The following DSG1 variants were observed in gnomAD, a reference collection of about 807,000 sequenced individuals.
The protein encoded by DSG1 is desmoglein 1.
A neutral mutation model predicts 97.5 loss-of-function variants in DSG1; 39 were observed. The observed-to-expected ratio is 0.40, with a 90% CI of 0.31 to 0.52. The LOEUF (loss-of-function observed/expected upper bound fraction) is 0.52, where lower values mean the gene tolerates loss of function less well. DSG1 is among the 20% of genes least tolerant of loss of function. The probability of loss-of-function intolerance (pLI) is 0.53; values close to 1 mark genes in which losing one functional copy is unlikely to be tolerated. For synonymous variants in DSG1, 475 were observed against 443.4 expected, an observed-to-expected ratio of 1.07 and a Z score of -0.90; for missense variants, 1,311 against 1,295.4, an observed-to-expected ratio of 1.01 and a Z score of -0.18.
At position 31,326,882 on chromosome 18, in the gene DSG1, T is replaced by C; in HGVS notation, c.93T>C (p.Asp31=). ...TATTGCTGTCATTTAAGGTAAGAGA[T>C]TATAACACTAAAAATGGCACCATCA... ...VNSEFRIQVR[D]YNTKNGTIKW... Residue 31 remains aspartate, a synonymous_variant, in exon 3 of 15, where the codon GAT becomes GAC. Transcript: ENST00000257192. The C allele has an allele frequency of 6.2e-7, 1 of 1,613,462 alleles. No homozygotes were observed. The highest frequency in any genetic ancestry group is 8.5e-7 in the Non-Finnish European group (1 of 1,179,656).
In DSG1 at chr18:31,329,879, T is replaced by C. The variant is rs755330901; in HGVS notation, c.373-13T>C. 6.2e-7 allele frequency: 1 copy of C among 1,612,566 alleles called. No homozygotes were observed. On this transcript the variant is annotated splice_polypyrimidine_tract_variant and intron_variant, in intron 4 of 14. Coordinates refer to ENST00000257192, the MANE Select transcript of DSG1 (RefSeq NM_001942.4). ...GTGTTTCACTGTATAATTATTTATC[T>C]TTTCTCTCCCAGATCTACTGCCGAG... is the stretch of plus-strand genomic sequence containing the variant.
At chr18:31,336,288 G>A in intron 8 of DSG1, 66 bp from the exon 9 acceptor site, 1 of 1,462,678 alleles carries the variant, frequency 6.8e-7, no homozygotes. Flanking sequence ...TATTATCAAA[G>A]GATTTTCTTT....
chr18:31,339,297 G>T (rs1462490794), intron 10 of DSG1, among the ~76,000 whole-genome samples: 1 of 151,960 alleles, frequency 6.6e-6, no homozygotes, highest in East Asian at 1.9e-4. Flanking sequence ...TAAAAAAAAT[G>T]GAATGAACCA....
chr18:31,344,207 C>A (rs762320100), intron 13 of DSG1, among the ~76,000 whole-genome samples: 11 of 152,116 alleles, frequency 7.2e-5, no homozygotes, highest in Non-Finnish European at 1.5e-4. Flanking sequence ...CCTCAACCAT[C>A]AAAGAGTACT....
chr18:31,320,843 A>C (rs1214364505), intron 1 of DSG1, among the ~76,000 whole-genome samples: 1 of 152,204 alleles, frequency 6.6e-6, no homozygotes, highest in African/African-American at 2.4e-5. Flanking sequence ...ACTGTGGGAA[A>C]GCAAAACAGA....
At chr18:31,322,503 A>T (rs1236299994) in intron 1 of DSG1, among the ~76,000 whole-genome samples, 1 of 152,236 alleles carries the variant, frequency 6.6e-6, no homozygotes, top group Non-Finnish European at 1.5e-5. Context: ...CATAATACAC[A>T]TTCAGTATGT....
chr18:31,353,720 G>A (rs2071924232), intron 14 of DSG1, among the ~76,000 whole-genome samples: 1 of 152,184 alleles, frequency 6.6e-6, no homozygotes, highest in Non-Finnish European at 1.5e-5. Flanking sequence ...TCGGGTGGGA[G>A]TGACCCGATT....
Position 31,354,915 on chromosome 18 carries a change from A to C in DSG1, c.2719A>C (p.Thr907Pro), listed in dbSNP as rs1167335404. The C allele has an allele frequency of 6.2e-7, 1 of 1,614,156 alleles. No individual in the cohort carries two copies. Among genetic ancestry groups the C allele is most frequent in the South Asian group, 1.1e-5 (1 of 91,082 alleles). ...AATAGCACCAAGCTCTAGTCTACCC[A>C]CCTCTCTGACTATCCATCATCCTAG... ...RVIAPSSSLP[T>P]SLTIHHPRES... Residue 907 changes from threonine (T) to proline (P), a missense_variant, in exon 15 of 15, where the codon ACC (threonine) becomes CCC (proline). Transcript: ENST00000257192.
Position 31,354,987 on chromosome 18 carries a change from TC to T in DSG1, c.2793del (p.Gly932AlafsTer2). 6.2e-7 allele frequency: 1 copy of T among 1,614,144 alleles called. No individual in the cohort carries two copies. Among genetic ancestry groups the T allele is most frequent in the Non-Finnish European group, 8.5e-7 (1 of 1,180,018 alleles). ...GACAGAAAGAGTAATCCAACCAACT[TC>T]CGGCATGATAGGTAGTCTGAGTATG... ...VVTERVIQPT[S>X]GMIGSLSMHP... is the part of the protein sequence containing the mutation. On this transcript the variant is annotated frameshift_variant, in exon 15 of 15. Transcript: ENST00000257192. LOFTEE classifies it high-confidence loss of function.
intron 11 of DSG1, among the ~76,000 whole-genome samples, chr18:31,342,223 C>T (rs899909092): frequency 6.6e-6 from 1 of 152,066 alleles, no homozygotes; most frequent in African/African-American, 2.4e-5. Context: ...TGAGCCACCG[C>T]GCCCGTCCTG....
chr18:31,338,529 T>C, intron 10 of DSG1, 75 bp downstream of exon 10: 1 of 1,533,534 alleles, frequency 6.5e-7, no homozygotes, highest in Non-Finnish European at 9.0e-7. Context: ...ATTTTAACTA[T>C]CACATTTTGA....
At chr18:31,329,329 G>A (rs1316587783) in intron 4 of DSG1, among the ~76,000 whole-genome samples, 1 of 151,826 alleles carries the variant, frequency 6.6e-6, no homozygotes, top group East Asian at 1.9e-4. Flanking sequence ...CCACCAGTCC[G>A]TATCCCAAAA....
At chr18:31,337,611 T>C (rs756073086) in intron 9 of DSG1, among the ~76,000 whole-genome samples, 5 of 152,206 alleles carry the variant, frequency 3.3e-5, no homozygotes, top group Non-Finnish European at 7.3e-5. Context: ...TGAGTAGTTC[T>C]GTTAGAAGTC....
Position 31,346,033 on chromosome 18 carries a change from G to T in DSG1, c.1935G>T (p.Leu645=). The part of the protein sequence containing the change: ...NEYGGREMQD[L]GGGERMTGFE... ...ATGGTGGCAGAGAAATGCAAGATCTGGGAGGAGGAGAGAGAATGACAGGAT... is the reference window on the plus strand; with the variant it reads ...ATGGTGGCAGAGAAATGCAAGATCTTGGAGGAGGAGAGAGAATGACAGGAT... Residue 645 remains leucine, a synonymous_variant, in exon 14 of 15, where the codon CTG becomes CTT. Coordinates refer to ENST00000257192, the MANE Select transcript of DSG1 (RefSeq NM_001942.4). 1.9e-6 allele frequency: 3 copies of T among 1,613,898 alleles called. No individual in the cohort carries two copies. The highest frequency in any genetic ancestry group is 2.2e-5 in the East Asian group (1 of 44,860).
chr18:31,341,203 G>A (rs891562918), intron 11 of DSG1, among the ~76,000 whole-genome samples: 1 of 152,216 alleles, frequency 6.6e-6, no homozygotes, highest in Non-Finnish European at 1.5e-5. Flanking sequence ...GTAGGTTGCA[G>A]TCTGCACATT....
chr18:31,329,123 T>C (rs1286329537), intron 4 of DSG1, among the ~76,000 whole-genome samples: 1 of 152,164 alleles, frequency 6.6e-6, no homozygotes, highest in East Asian at 1.9e-4. Flanking sequence ...TCTCACAGCA[T>C]ATTCCAAGAC....
At chr18:31,336,724 C>G in intron 9 of DSG1, 111 bp downstream of exon 9, 3 of 1,168,404 alleles carry the variant, frequency 2.6e-6, no homozygotes, top group Non-Finnish European at 3.7e-6. Context: ...ATTTTTGAAA[C>G]TATCATTTAA....
intron 1 of DSG1, among the ~76,000 whole-genome samples, chr18:31,322,249 T>A (rs550996031): frequency 6.6e-6 from 1 of 152,386 alleles, no homozygotes; most frequent in South Asian, 2.1e-4. Flanking sequence ...CTTGCACCAG[T>A]GCAAGATTGC....
chr18:31,330,941 T>C lies in DSG1; in HGVS notation c.518-760T>C, dbSNP rs541025035. Among the ~76,000 whole-genome samples the C allele has an allele frequency of 8.4e-4, 128 of 152,198 alleles. 1 individual carries two copies. The South Asian group carries it at 0.026, about 31-fold the overall frequency. ...ATAAATACAGGTGGGGGATGACAGA[T>C]GCCATGAAGCATTTGTAGGAAAATT... On this transcript the variant is annotated intron_variant, in intron 5 of 14. Transcript: ENST00000257192.
Sources: allele counts gnomAD v4.1 joint callset (sites outside exome capture counted in the v4.1 genomes callset), GRCh38; gene constraint gnomAD v4.1.1; transcripts MANE v1.5; gene names NCBI Gene and HGNC (gene_info 2026-07-23, HGNC 2026-07-21).